The following SKI variants were observed in gnomAD, a reference collection of about 807,000 sequenced individuals.
SKI encodes ski oncogene.
A neutral mutation model predicts 59.3 loss-of-function variants in SKI; 23 were observed. That is an observed-to-expected ratio of 0.39 (90% CI 0.28 to 0.55). SKI has a LOEUF of 0.55. Ranked by LOEUF, SKI falls within the 20% of genes least tolerant of loss-of-function variation. The pLI is 0.67. For missense variants in SKI, 1,017 were observed against 1,038.9 expected (o/e 0.98, Z 0.29); for synonymous variants, 673 against 488.6 (o/e 1.38, Z -4.98).
At chr1:2,279,362 C>T (rs143944950) in intron 1 of SKI, among the ~76,000 whole-genome samples, 2 of 152,274 alleles carry the variant, frequency 1.3e-5, no homozygotes, top group African/African-American at 4.8e-5. Flanking sequence ...CTCGGGGCAT[C>T]GCTTCATCCC....
chr1:2,301,360 C>G (rs1240276744), intron 1 of SKI, among the ~76,000 whole-genome samples: 3 of 152,226 alleles, frequency 2.0e-5, no homozygotes, highest in Non-Finnish European at 2.9e-5. Context: ...TGAAAAAAAC[C>G]ATCCACAGCC....
At chr1:2,276,394 C>T (rs371865036) in intron 1 of SKI, among the ~76,000 whole-genome samples, 3 of 152,308 alleles carry the variant, frequency 2.0e-5, no homozygotes, top group East Asian at 3.9e-4. Context: ...CCTGGACCCT[C>T]CAGGGAGTTC....
intron 1 of SKI, among the ~76,000 whole-genome samples, chr1:2,238,765 C>G (rs571396885): frequency 5.3e-5 from 8 of 152,364 alleles, no homozygotes; most frequent in African/African-American, 1.9e-4. Flanking sequence ...CTGGCACTCA[C>G]CGAGTGAGAG....
At chr1:2,252,210 A>C (rs1324298791) in intron 1 of SKI, among the ~76,000 whole-genome samples, 2 of 152,222 alleles carry the variant, frequency 1.3e-5, no homozygotes, top group African/African-American at 2.4e-5. Flanking sequence ...TTAAGTTTTC[A>C]AAAGTCTTGT....
chr1:2,254,581 C>G (rs116166549), intron 1 of SKI, among the ~76,000 whole-genome samples: 2 of 152,218 alleles, frequency 1.3e-5, no homozygotes, highest in African/African-American at 4.8e-5. Flanking sequence ...GTGCAGTGAC[C>G]GGTCTACCTG....
intron 1 of SKI, among the ~76,000 whole-genome samples, chr1:2,252,581 C>T (rs926452481): frequency 6.9e-6 from 1 of 145,692 alleles, no homozygotes; most frequent in Non-Finnish European, 1.5e-5. Context: ...GCCCGCGGAG[C>T]AGGTACAGCT....
At chr1:2,234,074 C>G (rs1638700401) in intron 1 of SKI, among the ~76,000 whole-genome samples, 1 of 152,180 alleles carries the variant, frequency 6.6e-6, no homozygotes, top group Non-Finnish European at 1.5e-5. Context: ...CCCGGCAGGC[C>G]CTGGTCCCCG....
chr1:2,307,692 C>T lies in SKI; in HGVS notation c.*927C>T, dbSNP rs1460969910. The T allele has an allele frequency of 1.3e-5, 2 of 152,348 alleles. No individual in the cohort carries two copies. Among genetic ancestry groups the T allele is most frequent in the African/African-American group, 2.4e-5 (1 of 41,430 alleles). 9.4% of individuals were successfully genotyped at this position (152,348 alleles called of 1,614,324 possible). On this transcript the variant is annotated 3_prime_UTR_variant, in exon 7 of 7. Coordinates refer to ENST00000378536, the MANE Select transcript of SKI (RefSeq NM_003036.4). ...ACAAAAGAGCATTATTTCAATTTTT[C>T]TTTCTTTTTTTTTGTTCGTTCATTT...
At chr1:2,231,900 C>G (rs1016145099) in intron 1 of SKI, among the ~76,000 whole-genome samples, 1 of 152,238 alleles carries the variant, frequency 6.6e-6, no homozygotes, top group African/African-American at 2.4e-5. Flanking sequence ...AGTGCCTGCC[C>G]TTTAGGCTCT....
In SKI at chr1:2,280,223, A is replaced by T. The variant is rs554819729; in HGVS notation, c.970-22755A>T. Among the ~76,000 whole-genome samples, 16 of 152,068 alleles carry T rather than the reference A, an allele frequency of 1.1e-4. No individual in the cohort carries two copies. The East Asian group carries it at 3.1e-3, about 29-fold the overall frequency. On this transcript the variant is annotated intron_variant, in intron 1 of 6. Coordinates refer to ENST00000378536, the MANE Select transcript of SKI (RefSeq NM_003036.4). ...TATCTACTAAAAAAAAAAAAATACA[A>T]AAATTAGCCGGCATTGTGGCAGGTG... is the stretch of plus-strand genomic sequence containing the variant.
At chr1:2,292,672 C>T (rs1195454989) in intron 1 of SKI, among the ~76,000 whole-genome samples, 1 of 152,198 alleles carries the variant, frequency 6.6e-6, no homozygotes, top group Non-Finnish European at 1.5e-5. Context: ...GTGGACATGA[C>T]CCTTGCCTAA....
At position 2,308,322 on chromosome 1, in the gene SKI, T is replaced by C. The variant is rs764315178; in HGVS notation, c.*1557T>C. 3 of 152,168 alleles carry C rather than the reference T, an allele frequency of 2.0e-5. No individual in the cohort carries two copies. The highest frequency in any genetic ancestry group is 4.4e-5 in the Non-Finnish European group (3 of 68,044). 9.4% of individuals were successfully genotyped at this position (152,168 alleles called of 1,614,324 possible). On this transcript the variant is annotated 3_prime_UTR_variant, in exon 7 of 7. Transcript: ENST00000378536. ...GAGCCCTCGCATCTGGGTGGCGGAA[T>C]TGCCTGCGGGGTTTTGCCCTTGGTT...
chr1:2,232,913 C>T (rs1292838847), intron 1 of SKI, among the ~76,000 whole-genome samples: 2 of 152,204 alleles, frequency 1.3e-5, no homozygotes, highest in African/African-American at 4.8e-5. Flanking sequence ...TCTGAGCCTT[C>T]CCCACTCCCA....
rs1320586484 is a variant in SKI, at chr1:2,264,399, G to T, written c.969+34664G>T. The stretch of plus-strand genomic sequence containing the variant: ...TTCTCATGCCTCAGCCTCCCGAGTA[G>T]TTGGGATTACAGGCACCCGCCACCA... On this transcript the variant is annotated intron_variant, in intron 1 of 6. Transcript: ENST00000378536. Among the ~76,000 whole-genome samples the T allele has an allele frequency of 3.3e-5, 5 of 151,112 alleles. No individual in the cohort carries two copies. The East Asian group carries it at 9.9e-4, about 30-fold the overall frequency.
intron 1 of SKI, among the ~76,000 whole-genome samples, chr1:2,282,979 C>T (rs562318454): frequency 2.6e-5 from 4 of 152,310 alleles, no homozygotes; most frequent in African/African-American, 7.2e-5. Context: ...CTTCCCTTGC[C>T]GGTGCTGGGA....
rs921758756 is a variant in SKI at position 2,309,487 on chromosome 1, A to T, written c.*2722A>T. 6.6e-6 allele frequency: 1 copy of T among 152,066 alleles called. No individual in the cohort carries two copies. Among genetic ancestry groups the T allele is most frequent in the African/African-American group, 2.4e-5 (1 of 41,376 alleles). 9.4% of individuals were successfully genotyped at this position (152,066 alleles called of 1,614,324 possible). ...TTTTCCTTTTTCACCGTTGTATTAT[A>T]CATGTATATGCTGGGTCCTTTTTCA... On this transcript the variant is annotated 3_prime_UTR_variant, in exon 7 of 7. Transcript: ENST00000378536.
In SKI at chr1:2,304,033, G is replaced by C. The variant is rs777339681; in HGVS notation, c.1405G>C (p.Ala469Pro). The change falls in exon 4 of 7, where the codon GCG (alanine) becomes CCG (proline). Residue 469 changes from alanine (A) to proline (P), a missense_variant. Ala to Pro is a conservative substitution (Grantham distance 27). Transcript: ENST00000378536. ...CACCCCAGGAGCCCCAGAGACGCTG[G>C]CGCCCGTGGCTGCCCCAGAGGAGGA... ...VDTPGAPETL[A>P]PVAAPEEDKD... The C allele has an allele frequency of 3.7e-6, 6 of 1,612,392 alleles. No individual in the cohort carries two copies. In the Admixed American group the frequency reaches 8.3e-5, roughly 22 times the overall value.
At chr1:2,293,701 G>A (rs536574655) in intron 1 of SKI, among the ~76,000 whole-genome samples, 2 of 152,276 alleles carry the variant, frequency 1.3e-5, no homozygotes, top group South Asian at 2.1e-4. Context: ...TGGGCACTGC[G>A]TTGTGTTCTG....
intron 1 of SKI, among the ~76,000 whole-genome samples, chr1:2,284,135 C>T (rs1343925386): frequency 6.6e-6 from 1 of 152,206 alleles, no homozygotes; most frequent in Non-Finnish European, 1.5e-5. Context: ...TGGACCTCCC[C>T]TCTTGGGTGT....
Sources: gnomAD v4.1 joint callset for allele counts (sites outside exome capture counted in the v4.1 genomes callset) on GRCh38, gnomAD v4.1.1 for gene constraint, MANE v1.5 for transcripts, NCBI Gene and HGNC (gene_info 2026-07-23, HGNC 2026-07-21) for gene names.